The following GRID2 variants were observed in gnomAD, a reference collection of about 807,000 sequenced individuals.
GRID2 encodes the protein glutamate receptor ionotropic, delta-2.
Under a neutral mutation model 114.8 loss-of-function variants are expected in GRID2, and 33 were observed. The ratio of observed to expected loss-of-function variants is 0.29; its 90% CI spans 0.22 to 0.38. GRID2 has a LOEUF of 0.38. Among genes scored for constraint, GRID2 ranks in the 10% least tolerant of loss-of-function variants. GRID2 has a pLI of 1.00. For synonymous variants in GRID2, 505 were observed against 449.9 expected (o/e 1.12, Z -1.55); for missense variants, 1,184 against 1,257.7 (o/e 0.94, Z 0.89).
chr4:93,626,560 C>T, intron 14 of GRID2, 125 bp downstream of exon 14: 2 of 592,092 alleles, frequency 3.4e-6, no homozygotes, highest in Non-Finnish European at 5.9e-6. Context: ...TAAACAACAA[C>T]AACAAAAAAG....
intron 14 of GRID2, among the ~76,000 whole-genome samples, chr4:93,676,496 C>A (rs1724868903): frequency 6.6e-6 from 1 of 152,088 alleles, no homozygotes; most frequent in African/African-American, 2.4e-5. Context: ...GGCAATCTGG[C>A]TTTACCCATT....
intron 2 of GRID2, among the ~76,000 whole-genome samples, chr4:92,616,616 TTTG>T (rs1476206694): frequency 1.3e-5 from 2 of 151,548 alleles, no homozygotes; most frequent in Admixed American, 6.6e-5. Context: ...TATGTGTGTT[TTTG>T]TTATTATATA....
rs565637709 is a variant in GRID2, at chr4:93,803,499, G to A, written c.222-3216G>A. Among the ~76,000 whole-genome samples, 95 of 152,192 alleles carry A rather than the reference G, an allele frequency of 6.2e-4. 1 individual carries two copies. Among genetic ancestry groups the A allele is most frequent in the Non-Finnish European group, 1.0e-3 (69 of 67,998 alleles). On this transcript the variant is annotated intron_variant, in intron 1 of 1. Transcript: ENST00000637838. Reference sequence around the variant, plus strand: ...AGCACTTTGGGAGGCCAAGATGGGCGGATCACAAGGTCAGGAGTTCGAGAC... The same window carrying A: ...AGCACTTTGGGAGGCCAAGATGGGCAGATCACAAGGTCAGGAGTTCGAGAC...
chr4:92,968,442 T>A (rs1436704629), intron 2 of GRID2, among the ~76,000 whole-genome samples: 4 of 151,890 alleles, frequency 2.6e-5, no homozygotes, highest in Non-Finnish European at 5.9e-5. Context: ...AAAGCCAAGC[T>A]ATTAGGCTAC....
At chr4:93,099,938 T>C (rs1267421931) in intron 3 of GRID2, among the ~76,000 whole-genome samples, 1 of 151,762 alleles carries the variant, frequency 6.6e-6, no homozygotes, top group Non-Finnish European at 1.5e-5. Context: ...ACCCAGAGAG[T>C]GTTTTCAAAT....
At chr4:92,650,545 C>G (rs1731875080) in intron 2 of GRID2, among the ~76,000 whole-genome samples, 1 of 151,954 alleles carries the variant, frequency 6.6e-6, no homozygotes, top group African/African-American at 2.4e-5. Flanking sequence ...TCACCCTAGC[C>G]AGTGCAATAA....
chr4:92,812,615 G>T (rs983762445), intron 2 of GRID2, among the ~76,000 whole-genome samples: 4 of 152,008 alleles, frequency 2.6e-5, no homozygotes, highest in Non-Finnish European at 4.4e-5. Flanking sequence ...AACTTTATAT[G>T]GTGATTTTTG....
At chr4:93,621,092 A>G (rs1178587604) in intron 13 of GRID2, among the ~76,000 whole-genome samples, 1 of 152,156 alleles carries the variant, frequency 6.6e-6, no homozygotes, top group Non-Finnish European at 1.5e-5. Flanking sequence ...CTTAACCTTC[A>G]GGATTTTAGA....
chr4:92,614,635 A>G (rs897595233), intron 2 of GRID2, among the ~76,000 whole-genome samples: 1 of 151,604 alleles, frequency 6.6e-6, no homozygotes, highest in Non-Finnish European at 1.5e-5. Flanking sequence ...AGTGTATTCT[A>G]TTCTGGAGTA....
At chr4:93,359,772 G>A (rs1357252737) in intron 8 of GRID2, among the ~76,000 whole-genome samples, 1 of 122,380 alleles carries the variant, frequency 8.2e-6, no homozygotes, top group African/African-American at 3.0e-5. Flanking sequence ...CATGGATAGC[G>A]CTACTGTTTC....
intron 2 of GRID2, among the ~76,000 whole-genome samples, chr4:92,783,180 G>A (rs1056262487): frequency 2.0e-5 from 3 of 151,976 alleles, no homozygotes; most frequent in Non-Finnish European, 4.4e-5. Flanking sequence ...CTTTCAAATA[G>A]TTCTGAAGCA....
intron 2 of GRID2, among the ~76,000 whole-genome samples, chr4:93,013,674 C>G (rs1722405868): frequency 6.6e-6 from 1 of 151,888 alleles, no homozygotes. Flanking sequence ...TGTGACTCCC[C>G]CTTGCATATA....
intron 4 of GRID2, among the ~76,000 whole-genome samples, chr4:93,115,282 T>C (rs979711538): frequency 2.0e-5 from 3 of 152,062 alleles, no homozygotes; most frequent in Non-Finnish European, 2.9e-5. Context: ...TCCTGTGTAT[T>C]TGCATTGTTC....
intron 2 of GRID2, among the ~76,000 whole-genome samples, chr4:92,723,491 C>G (rs1199194204): frequency 6.6e-6 from 1 of 152,128 alleles, no homozygotes; most frequent in African/African-American, 2.4e-5. Context: ...ACTTAAATAT[C>G]TATCTTGCCT....
chr4:92,493,305 C>A (rs1474823392), intron 1 of GRID2, among the ~76,000 whole-genome samples: 1 of 152,126 alleles, frequency 6.6e-6, no homozygotes, highest in East Asian at 1.9e-4. Context: ...TCCATGAATT[C>A]AGATGTCTTT....
At chr4:93,369,292 A>G (rs1762645421) in intron 8 of GRID2, among the ~76,000 whole-genome samples, 1 of 152,150 alleles carries the variant, frequency 6.6e-6, no homozygotes, top group African/African-American at 2.4e-5. Context: ...ATAGTCTTAA[A>G]CAAACAGTTG....
At chr4:93,418,114 A>G (rs976928196) in intron 9 of GRID2, among the ~76,000 whole-genome samples, 1 of 151,650 alleles carries the variant, frequency 6.6e-6, no homozygotes, top group African/African-American at 2.4e-5. Flanking sequence ...AAATGGTTGT[A>G]AATTTATATA....
chr4:92,923,840 G>A (rs1005702890), intron 2 of GRID2, among the ~76,000 whole-genome samples: 3 of 152,126 alleles, frequency 2.0e-5, no homozygotes, highest in Non-Finnish European at 2.9e-5. Flanking sequence ...AGTCAGTGAG[G>A]CAATTCCTCA....
At chr4:92,600,048 A>G (rs989002231) in intron 2 of GRID2, among the ~76,000 whole-genome samples, 4,905 of 46,144 alleles carry the variant, frequency 0.11, 86 homozygotes, top group African/African-American at 0.13. Flanking sequence ...GTGTGTGTAT[A>G]TATATATATA....
Sources: gnomAD v4.1 joint callset for allele counts (sites outside exome capture counted in the v4.1 genomes callset) on GRCh38, gnomAD v4.1.1 for gene constraint, MANE v1.5 for transcripts, NCBI Gene and HGNC (gene_info 2026-07-23, HGNC 2026-07-21) for gene names.